The following NOL4 variants were observed in gnomAD, a reference collection of about 807,000 sequenced individuals.
The protein encoded by NOL4 is cancer/testis antigen 125.
Under a neutral mutation model 75.9 loss-of-function variants are expected in NOL4, and 17 were observed. That is an observed-to-expected ratio of 0.22 (90% CI 0.15 to 0.34). The LOEUF is 0.34. Ranked by LOEUF, NOL4 falls within the 10% of genes least tolerant of loss-of-function variation. The pLI, the probability that NOL4 is intolerant of heterozygous loss-of-function variation, is 1.00. For missense variants in NOL4, 614 were observed against 793.5 expected (o/e 0.77, Z 2.72); for synonymous variants, 292 against 289.9 (o/e 1.01, Z -0.07).
intron 1 of NOL4, among the ~76,000 whole-genome samples, chr18:34,180,413 A>G (rs1295173923): frequency 6.6e-5 from 10 of 151,602 alleles, no homozygotes; most frequent in Non-Finnish European, 1.5e-4. Flanking sequence ...CAGGAAAAGT[A>G]TTTGAGAAAA....
intron 5 of NOL4, among the ~76,000 whole-genome samples, chr18:34,025,555 C>G (rs1422550313): frequency 1.3e-5 from 2 of 152,144 alleles, no homozygotes; most frequent in African/African-American, 4.8e-5. Context: ...CCCTCTTGAT[C>G]ACTAATTCTC....
intron 9 of NOL4, among the ~76,000 whole-genome samples, chr18:33,940,194 A>G (rs144516981): frequency 6.6e-6 from 1 of 152,072 alleles, no homozygotes; most frequent in Non-Finnish European, 1.5e-5. Flanking sequence ...CAGCAATCCC[A>G]TTATTGGGTA....
At chr18:33,920,844 A>G (rs1470418277) in intron 9 of NOL4, among the ~76,000 whole-genome samples, 2 of 152,234 alleles carry the variant, frequency 1.3e-5, no homozygotes, top group Admixed American at 1.3e-4. Flanking sequence ...GAATGAAACA[A>G]GAATGATTCC....
intron 8 of NOL4, among the ~76,000 whole-genome samples, chr18:33,955,179 T>G (rs1600037380): frequency 6.6e-6 from 1 of 152,116 alleles, no homozygotes; most frequent in South Asian, 2.1e-4. Context: ...AGATCTTATA[T>G]GAAAGGCTAG....
intron 4 of NOL4, among the ~76,000 whole-genome samples, chr18:34,100,780 C>T (rs1032883834): frequency 3.0e-4 from 45 of 152,262 alleles, no homozygotes; most frequent in African/African-American, 1.1e-3. Flanking sequence ...GCCGATGATG[C>T]TTGGCCTTAT....
chr18:33,865,559 AT>A (rs1435604491), intron 10 of NOL4, among the ~76,000 whole-genome samples: 3 of 151,852 alleles, frequency 2.0e-5, no homozygotes, highest in African/African-American at 7.3e-5. Context: ...GGTCACTGCT[AT>A]AAAAAAAAAA....
Position 34,093,445 on chromosome 18 carries a change from A to C in NOL4, c.772+20T>G, listed in dbSNP as rs759456783. On this transcript the variant is annotated intron_variant, in intron 5 of 10. Transcript: ENST00000261592. ...TTTTTTGCTGTTGTTTTGCTTATTT[A>C]GTCAAACTGAAAGGCTTACCATCTT... is the stretch of plus-strand genomic sequence containing the variant. The C allele has an allele frequency of 1.9e-6, 3 of 1,548,456 alleles. No homozygotes were observed. The East Asian group carries it at 7.0e-5, about 36-fold the overall frequency.
intron 1 of NOL4, among the ~76,000 whole-genome samples, chr18:34,194,651 C>T (rs192964514): frequency 6.6e-6 from 1 of 152,130 alleles, no homozygotes; most frequent in African/African-American, 2.4e-5. Flanking sequence ...TTTTCAAGAG[C>T]TATTATGTTA....
Position 33,943,256 on chromosome 18 carries a change from T to G in NOL4, c.1429-78A>C, listed in dbSNP as rs372218069. ...AGGCCAATGCTATTCTCAGAAGAGCTCTCAGGATCATCAACATGTGCAGGA... is the reference window on the plus strand; with the variant it reads ...AGGCCAATGCTATTCTCAGAAGAGCGCTCAGGATCATCAACATGTGCAGGA... On this transcript the variant is annotated intron_variant, in intron 8 of 10. Transcript: ENST00000261592. 5.4e-4 allele frequency: 479 copies of G among 884,116 alleles called. 1 individual carries two copies. The African/African-American group carries it at 6.9e-3, about 13-fold the overall frequency. 54.8% of individuals were successfully genotyped at this position (884,116 alleles called of 1,614,324 possible). A position where few individuals can be genotyped will look rare whatever the true frequency, so the allele number is the denominator to read the frequency against.
At chr18:34,084,348 A>G (rs1166422279) in intron 5 of NOL4, among the ~76,000 whole-genome samples, 3 of 152,092 alleles carry the variant, frequency 2.0e-5, no homozygotes, top group Admixed American at 2.0e-4. Flanking sequence ...AGTTCTGTCC[A>G]TAAACCCCTG....
chr18:33,964,737 C>A (rs1271987631), intron 6 of NOL4, among the ~76,000 whole-genome samples: 1 of 152,108 alleles, frequency 6.6e-6, no homozygotes, highest in Non-Finnish European at 1.5e-5. Context: ...GATTCTGAGG[C>A]ACAGTCAAGC....
At chr18:33,949,505 T>A (rs912972462) in intron 8 of NOL4, among the ~76,000 whole-genome samples, 5 of 152,064 alleles carry the variant, frequency 3.3e-5, no homozygotes, top group African/African-American at 9.7e-5. Context: ...GGTGGCAACA[T>A]TTCCAAACAG....
At chr18:33,914,456 T>G (rs757751409) in intron 9 of NOL4, among the ~76,000 whole-genome samples, 1 of 152,094 alleles carries the variant, frequency 6.6e-6, no homozygotes, top group Non-Finnish European at 1.5e-5. Flanking sequence ...GGAAAGCCAC[T>G]GGAAGTTTTC....
At chr18:33,917,604 C>T (rs568038522) in intron 9 of NOL4, among the ~76,000 whole-genome samples, 7 of 152,126 alleles carry the variant, frequency 4.6e-5, no homozygotes, top group African/African-American at 1.7e-4. Context: ...TACTAATCCT[C>T]CCTCCTCAGC....
intron 9 of NOL4, among the ~76,000 whole-genome samples, chr18:33,893,829 G>A (rs575683875): frequency 6.6e-5 from 10 of 152,164 alleles, no homozygotes; most frequent in South Asian, 6.2e-4. Context: ...TGTGGTCAGG[G>A]CAGGGTATTA....
intron 5 of NOL4, among the ~76,000 whole-genome samples, chr18:34,052,095 A>G (rs957544421): frequency 2.0e-5 from 3 of 152,060 alleles, no homozygotes; most frequent in Non-Finnish European, 4.4e-5. Flanking sequence ...ATTAACTAGC[A>G]TTTACTCACA....
rs1309915557 is a variant in NOL4 at position 33,961,489 on chromosome 18, C to A, written c.1057-3071G>T. ...GGCTTCAAACTTGAACTGAACTCCACCACTGGCTTTCCTGGATATTCAGCT... is the reference window on the plus strand; with the variant it reads ...GGCTTCAAACTTGAACTGAACTCCAACACTGGCTTTCCTGGATATTCAGCT... On this transcript the variant is annotated intron_variant, in intron 6 of 10. Transcript: ENST00000261592. Among the ~76,000 whole-genome samples, 4 of 152,104 alleles carry A rather than the reference C, an allele frequency of 2.6e-5. No homozygotes were observed. In the East Asian group the frequency reaches 5.8e-4, roughly 22 times the overall value.
intron 4 of NOL4, among the ~76,000 whole-genome samples, chr18:34,099,436 T>C (rs368014176): frequency 2.7e-4 from 41 of 151,680 alleles, no homozygotes; most frequent in African/African-American, 9.4e-4. Flanking sequence ...CATCCTGACC[T>C]GTCACTTTCA....
intron 9 of NOL4, among the ~76,000 whole-genome samples, chr18:33,934,824 T>C (rs1303843465): frequency 1.3e-5 from 2 of 151,948 alleles, no homozygotes; most frequent in Admixed American, 6.6e-5. Context: ...TAAGGCCGTT[T>C]TGCTTTTTTA....
Sources: allele counts gnomAD v4.1 joint callset (sites outside exome capture counted in the v4.1 genomes callset), GRCh38; gene constraint gnomAD v4.1.1; transcripts MANE v1.5; gene names NCBI Gene and HGNC (gene_info 2026-07-23, HGNC 2026-07-21).